Variants in ABLIM2 observed in about 807,000 individuals in gnomAD.
ABLIM2 encodes the protein actin-binding LIM protein 2.
A neutral mutation model predicts 97.7 loss-of-function variants in ABLIM2; 53 were observed. The ratio of observed to expected loss-of-function variants is 0.54; its 90% CI spans 0.44 to 0.68. The LOEUF is 0.68. Ranked by LOEUF, ABLIM2 falls within the 30% of genes least tolerant of loss-of-function variation. ABLIM2 has a pLI of 0.00. For synonymous variants in ABLIM2, 361 were observed against 345.8 expected, an observed-to-expected ratio of 1.04 and a Z score of -0.49; for missense variants, 835 against 867.2, an observed-to-expected ratio of 0.96 and a Z score of 0.47.
intron 3 of ABLIM2, among the ~76,000 whole-genome samples, chr4:8,089,732 CAAAA>C (rs58396378): frequency 0.017 from 1,488 of 87,632 alleles, 16 homozygotes; most frequent in African/African-American, 0.044. Flanking sequence ...AGATTCATAT[CAAAA>C]AAAAAAAAAA....
rs1187059120 is a variant in ABLIM2, at chr4:8,122,576, T to G, written c.11-15939A>C. On this transcript the variant is annotated intron_variant, in intron 1 of 20. Coordinates refer to ENST00000447017, the MANE Select transcript of ABLIM2 (RefSeq NM_001130083.2). This position sits in a 1 kb window ranked among gnomAD's most constrained non-coding sequence, Gnocchi z 4.1. ...AGGACCCCACCCTCACGACCTCATC[T>G]AAACCCCATCACCTCCCCAAGGCCC... 6.6e-6 allele frequency among the ~76,000 whole-genome samples: 1 copy of G among 152,168 alleles called. No homozygotes were observed. Among genetic ancestry groups the G allele is most frequent in the Non-Finnish European group, 1.5e-5 (1 of 68,012 alleles).
chr4:8,032,172 C>G lies in ABLIM2; in HGVS notation c.1048-2396G>C. Among the ~76,000 whole-genome samples, 1 of 149,508 alleles carries G rather than the reference C, an allele frequency of 6.7e-6. No individual in the cohort carries two copies. Among genetic ancestry groups the G allele is most frequent in the Admixed American group, 6.7e-5 (1 of 14,966 alleles). On this transcript the variant is annotated intron_variant, in intron 10 of 20. Coordinates refer to ENST00000447017, the MANE Select transcript of ABLIM2 (RefSeq NM_001130083.2). This position sits in a 1 kb window ranked among gnomAD's most constrained non-coding sequence, Gnocchi z 4.3. ...AGACTGCAGTCTGATTGGCAGCTCT[C>G]TATGTCACTGATTAATTTTGAGAAA...
chr4:7,991,390 C>T (rs1748594458), intron 17 of ABLIM2, among the ~76,000 whole-genome samples: 2 of 134,826 alleles, frequency 1.5e-5, no homozygotes. Flanking sequence ...TGGTGGAACA[C>T]CTTGGCTTGG....
chr4:8,057,446 G>A (rs1038819439), intron 7 of ABLIM2, among the ~76,000 whole-genome samples: 1 of 152,180 alleles, frequency 6.6e-6, no homozygotes, highest in Non-Finnish European at 1.5e-5. Context: ...GGGCTCCACT[G>A]CACACAACTG....
intron 1 of ABLIM2, among the ~76,000 whole-genome samples, chr4:8,137,753 G>C (rs1218346915): frequency 1.5e-4 from 23 of 152,222 alleles, no homozygotes; most frequent in Admixed American, 1.5e-3. Context: ...TGGAAAAGTA[G>C]GGTGGGCCCT....
rs777955083 is a variant in ABLIM2 at position 7,999,114 on chromosome 4, G to A, written c.1619-6187C>T. On this transcript the variant is annotated intron_variant, in intron 16 of 20. Transcript: ENST00000447017. This position sits in a 1 kb window ranked among gnomAD's most constrained non-coding sequence, Gnocchi z 4.4. ...GAGTTTTGTTCTTGTTCCCCGGGCT[G>A]GAGTACAATGGCGTGATCTTGGCTC... 6.6e-6 allele frequency among the ~76,000 whole-genome samples: 1 copy of A among 152,112 alleles called. No homozygotes were observed. The highest frequency in any genetic ancestry group is 1.5e-5 in the Non-Finnish European group (1 of 68,018).
At chr4:7,979,349 C>T (rs1560375889) in intron 20 of ABLIM2, among the ~76,000 whole-genome samples, 1 of 152,246 alleles carries the variant, frequency 6.6e-6, no homozygotes, top group African/African-American at 2.4e-5. Context: ...TGTGGCTTCT[C>T]CCTCCTGCTC....
rs536096683 is a variant in ABLIM2 at position 8,113,284 on chromosome 4, G to A, written c.11-6647C>T. The stretch of plus-strand genomic sequence containing the variant: ...TAATTTTTGTATTTTTTGTAGACAC[G>A]GGATGTCGCTATCTTGCTCAGGCTG... On this transcript the variant is annotated intron_variant, in intron 1 of 20. Coordinates refer to ENST00000447017, the MANE Select transcript of ABLIM2 (RefSeq NM_001130083.2). The surrounding 1 kb of genome is among the most constrained non-coding windows in gnomAD (Gnocchi z 4.5). 6.6e-5 allele frequency among the ~76,000 whole-genome samples: 10 copies of A among 152,190 alleles called. No homozygotes were observed. Among genetic ancestry groups the A allele is most frequent in the Middle Eastern group, 3.4e-3 (1 of 294 alleles).
At chr4:7,968,705 C>T (rs1055959082) in intron 20 of ABLIM2, among the ~76,000 whole-genome samples, 16 of 152,138 alleles carry the variant, frequency 1.1e-4, no homozygotes, top group African/African-American at 3.9e-4. Context: ...GACTGTTTAA[C>T]GGATATGGGG....
At position 8,071,147 on chromosome 4, in the gene ABLIM2, C is replaced by G. The variant is rs1811739041; in HGVS notation, c.675+6481G>C. ...TCCCCGTGGATTCGCCAGCTGAGTC[C>G]CAGCTCCCTCTGTGGGGGCAGCGCC... On this transcript the variant is annotated intron_variant, in intron 6 of 20. Coordinates refer to ENST00000447017, the MANE Select transcript of ABLIM2 (RefSeq NM_001130083.2). This position sits in a 1 kb window ranked among gnomAD's most constrained non-coding sequence, Gnocchi z 6.2. 4.3e-5 allele frequency among the ~76,000 whole-genome samples: 6 copies of G among 138,654 alleles called. No individual in the cohort carries two copies. In the South Asian group the frequency reaches 1.4e-3, roughly 32 times the overall value. The allele number at this position is 138,654 out of a possible 152,430, so 91.0% of individuals were successfully genotyped here. A position where few individuals can be genotyped will look rare whatever the true frequency, so the allele number is the denominator to read the frequency against.
rs954092614 is a variant in ABLIM2 at position 8,069,672 on chromosome 4, G to A, written c.675+7956C>T. ...CTTGGTTGTCTGTGTGCATTTCTGT[G>A]TGTCTCTGTGTGTGTTTGTGTGTTG... is the stretch of plus-strand genomic sequence containing the variant. On this transcript the variant is annotated intron_variant, in intron 6 of 20. Coordinates refer to ENST00000447017, the MANE Select transcript of ABLIM2 (RefSeq NM_001130083.2). The surrounding 1 kb of genome is among the most constrained non-coding windows in gnomAD (Gnocchi z 4.2). 1.3e-5 allele frequency among the ~76,000 whole-genome samples: 2 copies of A among 152,064 alleles called. No individual in the cohort carries two copies. The highest frequency in any genetic ancestry group is 2.9e-5 in the Non-Finnish European group (2 of 67,992).
chr4:8,106,469 C>G (rs1266184938), intron 2 of ABLIM2, 25 bp downstream of exon 2: 25 of 1,579,720 alleles, frequency 1.6e-5, no homozygotes, highest in Non-Finnish European at 2.1e-5. Context: ...AGGGGCCACA[C>G]TGCAGGGGAC....
At chr4:8,064,449 G>A (rs889927503) in intron 6 of ABLIM2, among the ~76,000 whole-genome samples, 36 of 152,184 alleles carry the variant, frequency 2.4e-4, no homozygotes, top group African/African-American at 7.7e-4. Context: ...CAGCATGCTC[G>A]GCCCCTCACC....
At chr4:8,133,405 C>A (rs111589850) in intron 1 of ABLIM2, among the ~76,000 whole-genome samples, 2 of 152,162 alleles carry the variant, frequency 1.3e-5, no homozygotes, top group African/African-American at 4.8e-5. Context: ...CCGTCCCCTG[C>A]GGGGTATCTC....
In ABLIM2 at chr4:8,155,108, G is replaced by A. The variant is rs765941699; in HGVS notation, c.10+3572C>T. Among the ~76,000 whole-genome samples the A allele has an allele frequency of 1.3e-5, 2 of 152,292 alleles. No individual in the cohort carries two copies. The highest frequency in any genetic ancestry group is 2.4e-5 in the African/African-American group (1 of 41,546). ...TACAACTCAAGGTAAGATGTGGGTG[G>A]GGACACAGCCAGACCGTATCAGCTC... On this transcript the variant is annotated intron_variant, in intron 1 of 20. Transcript: ENST00000447017. This position sits in a 1 kb window ranked among gnomAD's most constrained non-coding sequence, Gnocchi z 4.2.
intron 1 of ABLIM2, among the ~76,000 whole-genome samples, chr4:8,156,182 A>C (rs1715255262): frequency 6.6e-6 from 1 of 151,908 alleles, no homozygotes. Flanking sequence ...CTGGCACTGG[A>C]ATCCCCCCAC....
At position 8,054,496 on chromosome 4, in the gene ABLIM2, G is replaced by C. The variant is rs1797838780; in HGVS notation, c.764-250C>G. On this transcript the variant is annotated intron_variant, in intron 7 of 20. Transcript: ENST00000447017. This position sits in a 1 kb window ranked among gnomAD's most constrained non-coding sequence, Gnocchi z 4.9. ...GAGGCAGCAAACAAACAGGGAAATG[G>C]CTGCTGTGCACTAACTGCTCCCACA... is the stretch of plus-strand genomic sequence containing the variant. 6.6e-6 allele frequency among the ~76,000 whole-genome samples: 1 copy of C among 152,254 alleles called. No individual in the cohort carries two copies. Among genetic ancestry groups the C allele is most frequent in the South Asian group, 2.1e-4 (1 of 4,834 alleles).
At chr4:8,119,491 A>T (rs1170970710) in intron 1 of ABLIM2, among the ~76,000 whole-genome samples, 1 of 151,758 alleles carries the variant, frequency 6.6e-6, no homozygotes, top group Non-Finnish European at 1.5e-5. Flanking sequence ...CCACACCGGG[A>T]TAATTTTTGT....
chr4:7,982,370 C>T (rs1298938305), intron 20 of ABLIM2, among the ~76,000 whole-genome samples: 1 of 152,228 alleles, frequency 6.6e-6, no homozygotes, highest in Non-Finnish European at 1.5e-5. Context: ...GCAAGAGAGT[C>T]TACTGAAAGG....
Sources: gnomAD v4.1 joint callset for allele counts (sites outside exome capture counted in the v4.1 genomes callset) on GRCh38, gnomAD v4.1.1 for gene constraint, Gnocchi (gnomAD v3.1) non-coding constraint, MANE v1.5 for transcripts, NCBI Gene and HGNC (gene_info 2026-07-23, HGNC 2026-07-21) for gene names.